Variants in DPF3 observed in about 807,000 individuals in gnomAD.
DPF3 encodes the protein zinc finger protein DPF3.
DPF3 carries 18 observed loss-of-function variants against 56.8 expected under a neutral mutation model. The observed-to-expected ratio is 0.32, with a 90% CI of 0.22 to 0.47. The LOEUF (loss-of-function observed/expected upper bound fraction) is 0.47. DPF3 is among the 20% of genes least tolerant of loss of function. DPF3 has a pLI of 1.00. For missense variants in DPF3, 403 were observed against 488.8 expected, an observed-to-expected ratio of 0.82 and a Z score of 1.65; for synonymous variants, 188 against 180.2, an observed-to-expected ratio of 1.04 and a Z score of -0.35.
chr14:72,866,876 C>T (rs187575671), intron 1 of DPF3, among the ~76,000 whole-genome samples: 11 of 149,930 alleles, frequency 7.3e-5, no homozygotes, highest in African/African-American at 2.7e-4. Flanking sequence ...CCACCCGACT[C>T]GGCCTCCCAA....
At chr14:72,869,803 A>T (rs1885822878) in intron 1 of DPF3, among the ~76,000 whole-genome samples, 1 of 152,158 alleles carries the variant, frequency 6.6e-6, no homozygotes, top group Non-Finnish European at 1.5e-5. Flanking sequence ...AGAGAAGGTC[A>T]CAGACAGAAA....
chr14:72,662,321 A>G (rs779463927), intron 8 of DPF3: 28 of 984,806 alleles, frequency 2.8e-5, no homozygotes, highest in Non-Finnish European at 3.3e-5. Flanking sequence ...GCAGTCTTTT[A>G]TTTTACATTA....
Position 72,613,400 on chromosome 14 carries a change from A to C in DPF3, c.*5897T>G, listed in dbSNP as rs1305905415. On this transcript the variant is annotated 3_prime_UTR_variant, in exon 11 of 11. Transcript: ENST00000556509. ...TCCAAGAGGGTTCTGGCTGCCTGCCAGTCCTGGTTCCTGCCTTCCTCTGGC... is the reference window on the plus strand; with the variant it reads ...TCCAAGAGGGTTCTGGCTGCCTGCCCGTCCTGGTTCCTGCCTTCCTCTGGC... 1.3e-5 allele frequency among the ~76,000 whole-genome samples: 2 copies of C among 152,240 alleles called. No homozygotes were observed. The highest frequency in any genetic ancestry group is 1.9e-4 in the East Asian group (1 of 5,198).
intron 4 of DPF3, among the ~76,000 whole-genome samples, chr14:72,729,192 G>A (rs574176308): frequency 1.2e-4 from 18 of 152,222 alleles, no homozygotes; most frequent in Non-Finnish European, 1.8e-4. Flanking sequence ...AGGTTGCAGC[G>A]AGCCGAGATT....
At chr14:72,654,658 GGGCTGTTATAT>G (rs1464464500) in intron 8 of DPF3, among the ~76,000 whole-genome samples, 1 of 152,092 alleles carries the variant, frequency 6.6e-6, no homozygotes, top group Non-Finnish European at 1.5e-5. Flanking sequence ...TAATCTCAAA[GGGCTGTTATAT>G]GGCTTTAACA....
At chr14:72,745,865 T>C (rs576383294) in intron 3 of DPF3, among the ~76,000 whole-genome samples, 4 of 152,364 alleles carry the variant, frequency 2.6e-5, no homozygotes, top group African/African-American at 7.2e-5. Context: ...TTTAAAATAC[T>C]GTCCGAGTTA....
intron 3 of DPF3, among the ~76,000 whole-genome samples, chr14:72,747,899 T>C (rs1015241557): frequency 1.3e-5 from 2 of 152,224 alleles, no homozygotes; most frequent in Non-Finnish European, 2.9e-5. Flanking sequence ...TCCCCAGCCA[T>C]GTGGAACTGT....
intron 6 of DPF3, among the ~76,000 whole-genome samples, chr14:72,694,123 G>A (rs2153573144): frequency 6.6e-6 from 1 of 152,326 alleles, no homozygotes; most frequent in South Asian, 2.1e-4. Context: ...TCAGTTCCTG[G>A]GAAGCAGAAG....
chr14:72,646,102 C>A (rs1341521000), intron 8 of DPF3, among the ~76,000 whole-genome samples: 2 of 152,226 alleles, frequency 1.3e-5, no homozygotes, highest in African/African-American at 4.8e-5. Context: ...TCAGTCTTCA[C>A]TCTCTCCACA....
rs535639768 is a variant in DPF3, at chr14:72,662,267, T to C, written c.871+11973A>G. 56 of 985,394 alleles carry C rather than the reference T, an allele frequency of 5.7e-5. No individual in the cohort carries two copies. In the South Asian group the frequency reaches 2.1e-3, roughly 36 times the overall value. 61.0% of individuals were successfully genotyped at this position (985,394 alleles called of 1,614,324 possible). On this transcript the variant is annotated intron_variant, in intron 8 of 10. Transcript: ENST00000556509. ...CCTGAGAGAGCAGAGTTGATCTTTATTTTCTTATTTAAAATGTGGGGCATT... is the reference window on the plus strand; with the variant it reads ...CCTGAGAGAGCAGAGTTGATCTTTACTTTCTTATTTAAAATGTGGGGCATT...
At chr14:72,621,073 G>A (rs534885286) in intron 9 of DPF3, among the ~76,000 whole-genome samples, 1 of 151,796 alleles carries the variant, frequency 6.6e-6, no homozygotes, top group South Asian at 2.1e-4. Flanking sequence ...CCCGGGAGGT[G>A]GAGGTTGCAG....
Position 72,809,110 on chromosome 14 carries a change from A to G in DPF3, c.33-37217T>C, listed in dbSNP as rs368687856. ...GGCCCCCTTGGGTTTCCCCATCTTC[A>G]CACGTGTCTACTTTCCCTTTGACCT... On this transcript the variant is annotated intron_variant, in intron 1 of 10. Coordinates refer to ENST00000556509, the MANE Select transcript of DPF3 (RefSeq NM_001280542.3). 1.8e-4 allele frequency among the ~76,000 whole-genome samples: 27 copies of G among 152,292 alleles called. 1 individual carries two copies. Among genetic ancestry groups the G allele is most frequent in the African/African-American group, 6.3e-4 (26 of 41,564 alleles).
chr14:72,840,016 C>T (rs1182749307), intron 1 of DPF3, among the ~76,000 whole-genome samples: 1 of 152,222 alleles, frequency 6.6e-6, no homozygotes, highest in Non-Finnish European at 1.5e-5. Flanking sequence ...GTGACTTGCC[C>T]TTGTTTTTCC....
At position 72,610,211 on chromosome 14, in the gene DPF3, C is replaced by G. The variant is rs1391305948; in HGVS notation, c.*9086G>C. Among the ~76,000 whole-genome samples, 1 of 152,210 alleles carries G rather than the reference C, an allele frequency of 6.6e-6. No homozygotes were observed. The highest frequency in any genetic ancestry group is 2.4e-5 in the African/African-American group (1 of 41,444). ...GGTCTAGAGACATCAATGGAGGCAG[C>G]AATTGGAGATCTCAGTGTGTTTCCA... On this transcript the variant is annotated 3_prime_UTR_variant, in exon 11 of 11. Transcript: ENST00000556509.
chr14:72,771,822 C>T lies in DPF3; in HGVS notation c.104G>A (p.Arg35His), dbSNP rs773964545. The change falls in exon 2 of 11, where the codon CGC becomes CAC. Residue 35 changes from arginine to histidine, a missense_variant. Around this residue, in one of 2 missense-constraint regions of DPF3, gnomAD observed 340 missense variants for 374.3 expected, o/e 0.91. Coordinates refer to ENST00000556509, the MANE Select transcript of DPF3 (RefSeq NM_001280542.3). ...GTCCAGGAAGGGAAGACGCACGCTGCGCTCTGCACACAGCCGTGAGTTGTA... is the reference window on the plus strand; with the variant it reads ...GTCCAGGAAGGGAAGACGCACGCTGTGCTCTGCACACAGCCGTGAGTTGTA... The part of the protein sequence containing the change: ...RSYNSRLCAE[R>H]SVRLPFLDSQ... 2 of 1,613,696 alleles carry T rather than the reference C, an allele frequency of 1.2e-6. No homozygotes were observed. Among genetic ancestry groups the T allele is most frequent in the South Asian group, 1.1e-5 (1 of 91,048 alleles).
At chr14:72,797,148 G>A (rs1892677412) in intron 1 of DPF3, among the ~76,000 whole-genome samples, 1 of 152,138 alleles carries the variant, frequency 6.6e-6, no homozygotes, top group South Asian at 2.1e-4. Flanking sequence ...TGCTCTCCGG[G>A]AACCCTGCCT....
intron 1 of DPF3, among the ~76,000 whole-genome samples, chr14:72,862,378 G>C (rs760245736): frequency 6.6e-6 from 1 of 152,050 alleles, no homozygotes; most frequent in African/African-American, 2.4e-5. Flanking sequence ...AGGCCAAATG[G>C]ATGCCTCTCT....
At chr14:72,871,981 C>T (rs1329091321) in intron 1 of DPF3, among the ~76,000 whole-genome samples, 8 of 152,270 alleles carry the variant, frequency 5.3e-5, no homozygotes, top group Non-Finnish European at 1.5e-5. Context: ...TTTGCCAGGG[C>T]ATCCAGGCGT....
chr14:72,833,503 C>T (rs190122073), intron 1 of DPF3, among the ~76,000 whole-genome samples: 24 of 151,928 alleles, frequency 1.6e-4, no homozygotes, highest in Admixed American at 1.4e-3. Context: ...GCCAAGGGTG[C>T]AGAGGAGGTC....
Sources: allele counts gnomAD v4.1 joint callset (sites outside exome capture counted in the v4.1 genomes callset), GRCh38; gene constraint gnomAD v4.1.1; regional missense constraint gnomAD v4.1.1; transcripts MANE v1.5; gene names NCBI Gene and HGNC (gene_info 2026-07-23, HGNC 2026-07-21).